HFM1: variants seen among roughly 807,000 people sequenced by gnomAD.
HFM1 encodes probable ATP-dependent DNA helicase HFM1.
In HFM1, 169 loss-of-function variants were observed where a neutral mutation model predicts 192.1. That is an observed-to-expected ratio of 0.88 (90% CI 0.78 to 1.00). The LOEUF (loss-of-function observed/expected upper bound fraction) is 1.00, where lower values mean the gene tolerates loss of function less well. Among genes scored for constraint, HFM1 ranks in the 50% least tolerant of loss-of-function variants. The probability of loss-of-function intolerance (pLI) is 0.00; values close to 1 mark genes in which losing one functional copy is unlikely to be tolerated. For synonymous variants in HFM1, 525 were observed against 537.8 expected (o/e 0.98, Z 0.33); for missense variants, 1,661 against 1,668.0 (o/e 1.00, Z 0.07).
chr1:91,388,993 A>G lies in HFM1; in HGVS notation c.495-3159T>C, dbSNP rs1442914822. Among the ~76,000 whole-genome samples, 3 of 152,146 alleles carry G rather than the reference A, an allele frequency of 2.0e-5. No homozygotes were observed. In the East Asian group the frequency reaches 5.8e-4, roughly 29 times the overall value. ...TATGGACAAAGGATCTGAATAAGAC[A>G]TTACTCCAAAGAAGACATACGAATG... On this transcript the variant is annotated intron_variant, in intron 4 of 38. Coordinates refer to ENST00000370425, the MANE Select transcript of HFM1 (RefSeq NM_001017975.6).
intron 30 of HFM1, among the ~76,000 whole-genome samples, chr1:91,300,676 A>C (rs1648599178): frequency 6.6e-6 from 1 of 152,202 alleles, no homozygotes; most frequent in Non-Finnish European, 1.5e-5. Context: ...AGAATCAACA[A>C]CAAAAACCAC....
chr1:91,388,827 G>A (rs908627003), intron 4 of HFM1, among the ~76,000 whole-genome samples: 28 of 151,956 alleles, frequency 1.8e-4, no homozygotes, highest in Non-Finnish European at 2.9e-4. Context: ...TAAAACTTGC[G>A]CTGCGAAGAA....
intron 30 of HFM1, among the ~76,000 whole-genome samples, chr1:91,292,951 G>A (rs1015155489): frequency 9.2e-5 from 14 of 152,092 alleles, no homozygotes; most frequent in Non-Finnish European, 1.8e-4. Context: ...AGGAAATGGG[G>A]AAAGGATTCC....
At chr1:91,333,770 T>C (rs1199457143) in intron 20 of HFM1, among the ~76,000 whole-genome samples, 1 of 152,120 alleles carries the variant, frequency 6.6e-6, no homozygotes, top group East Asian at 1.9e-4. Context: ...TAAAAATAAT[T>C]TAAAACATTT....
chr1:91,380,914 C>T lies in HFM1; in HGVS notation c.871G>A (p.Asp291Asn). The T allele has an allele frequency of 7.7e-7, 1 of 1,304,014 alleles. No homozygotes were observed. 80.8% of individuals were successfully genotyped at this position (1,304,014 alleles called of 1,614,324 possible). The change falls in exon 7 of 39, where the codon GAT (aspartate) becomes AAT (asparagine). Residue 291 changes from aspartate to asparagine, a missense_variant and splice_region_variant. Asp to Asn is a conservative substitution (Grantham distance 23). Coordinates refer to ENST00000370425, the MANE Select transcript of HFM1 (RefSeq NM_001017975.6). ...FNYIQSKAFD[D>N]LLYTDRNFVI... ...AATAAGTAAAATAAAATACTTACAT[C>T]ATCAAAGGCCTTGGACTGTATATAG...
chr1:91,324,757 C>A lies in HFM1; in HGVS notation c.2345G>T (p.Arg782Ile), dbSNP rs1317327398. 4 of 1,550,350 alleles carry A rather than the reference C, an allele frequency of 2.6e-6. No individual in the cohort carries two copies. The highest frequency in any genetic ancestry group is 2.7e-6 in the Non-Finnish European group (3 of 1,123,118). The part of the protein sequence containing the change: ...GVNFKPTEAG[R>I]LMAWYYITFE... ...TGTAATATAATACCAAGCCATCAAT[C>A]TTCCTGCTTCTGTAAGAAAAGACAG... The change falls in exon 21 of 39, where the codon AGA (arginine) becomes ATA (isoleucine). Residue 782 changes from arginine (R) to isoleucine (I), a missense_variant. Arg to Ile is a moderately conservative substitution (Grantham distance 97, BLOSUM62 -3). Coordinates refer to ENST00000370425, the MANE Select transcript of HFM1 (RefSeq NM_001017975.6).
chr1:91,261,176 T>C lies in HFM1; in HGVS notation c.*114A>G. The stretch of plus-strand genomic sequence containing the variant: ...CAAAAAGTGAACAAAGCTAATCAAA[T>C]ACAGGAGAAAAAAATCCGAACAATT... On this transcript the variant is annotated 3_prime_UTR_variant, in exon 39 of 39. Transcript: ENST00000370425. The C allele has an allele frequency of 4.5e-6, 2 of 442,620 alleles. No individual in the cohort carries two copies. The highest frequency in any genetic ancestry group is 8.0e-6 in the Non-Finnish European group (2 of 249,882). The allele number at this position is 442,620 out of a possible 1,614,324, so 27.4% of individuals were successfully genotyped here.
chr1:91,352,378 A>AAAGGTAAAT, intron 16 of HFM1, 128 bp downstream of exon 16: 1 of 605,270 alleles, frequency 1.7e-6, no homozygotes, highest in East Asian at 3.1e-5. Flanking sequence ...TTCCTCCACT[A>AAAGGTAAAT]AAGGTAAATT....
chr1:91,261,244 G>A lies in HFM1; in HGVS notation c.*46C>T, dbSNP rs748140149. 9 of 770,702 alleles carry A rather than the reference G, an allele frequency of 1.2e-5. No individual in the cohort carries two copies. The highest frequency in any genetic ancestry group is 1.8e-5 in the African/African-American group (1 of 54,796). 47.7% of individuals were successfully genotyped at this position (770,702 alleles called of 1,614,324 possible). ...AATAAAAAGCATGCTTTGTGATTAG[G>A]TGTCTTTATTCTTTCTCTTATCAAT... On this transcript the variant is annotated 3_prime_UTR_variant, in exon 39 of 39. Coordinates refer to ENST00000370425, the MANE Select transcript of HFM1 (RefSeq NM_001017975.6).
At chr1:91,324,014 A>C (rs537715742) in intron 21 of HFM1, among the ~76,000 whole-genome samples, 20 of 152,290 alleles carry the variant, frequency 1.3e-4, no homozygotes, top group African/African-American at 4.8e-4. Context: ...TCTTTTATGA[A>C]TATTGTTTCA....
In HFM1 at chr1:91,315,908, T is replaced by C. The variant is rs755200362; in HGVS notation, c.3047A>G (p.Gln1016Arg). 1.4e-5 allele frequency: 23 copies of C among 1,605,236 alleles called. No homozygotes were observed. The East Asian group carries it at 5.1e-4, about 36-fold the overall frequency. Residue 1016 changes from glutamine (Q) to arginine (R), a missense_variant, in exon 28 of 39, where the codon CAG (glutamine) becomes CGG (arginine). Coordinates refer to ENST00000370425, the MANE Select transcript of HFM1 (RefSeq NM_001017975.6). ...CGATGCTGTTCTTTTAGTTTGTAGC[T>C]GTTCAAAATTTCTTAATATAACAGT... is the stretch of plus-strand genomic sequence containing the variant. ...LVTVILRNFEQLQTKRTASDS... is the reference protein window; with the variant it reads ...LVTVILRNFERLQTKRTASDS...
chr1:91,399,424 C>T (rs937798917), intron 2 of HFM1, among the ~76,000 whole-genome samples: 1 of 152,164 alleles, frequency 6.6e-6, no homozygotes, highest in Non-Finnish European at 1.5e-5. Context: ...AAGTCCTTTA[C>T]ATAATTTCAA....
chr1:91,277,014 C>T lies in HFM1; in HGVS notation c.3440G>A (p.Cys1147Tyr). The change falls in exon 31 of 39, where the codon TGT (cysteine) becomes TAT (tyrosine). Residue 1147 changes from cysteine (C) to tyrosine (Y), a missense_variant. Transcript: ENST00000370425. ...KPGNRECNHLCKSKHTCGHDC... is the reference protein window; with the variant it reads ...KPGNRECNHLYKSKHTCGHDC... ...ATGTCCACATGTATGTTTACTTTTA[C>T]AAAGATGATTGCATTCTCGGTTCCC... 1.3e-6 allele frequency: 2 copies of T among 1,598,796 alleles called. No homozygotes were observed. Among genetic ancestry groups the T allele is most frequent in the Non-Finnish European group, 1.7e-6 (2 of 1,172,924 alleles).
intron 20 of HFM1, among the ~76,000 whole-genome samples, chr1:91,337,592 G>C (rs1447622888): frequency 6.6e-6 from 1 of 152,180 alleles, no homozygotes; most frequent in Non-Finnish European, 1.5e-5. Flanking sequence ...GGGAAGCTCA[G>C]AGTCCCGTCT....
chr1:91,320,480 A>G (rs1206886962), intron 23 of HFM1, among the ~76,000 whole-genome samples: 1 of 152,242 alleles, frequency 6.6e-6, no homozygotes, highest in East Asian at 1.9e-4. Flanking sequence ...TGCTGGGTAA[A>G]TAAAACTCCT....
intron 30 of HFM1, among the ~76,000 whole-genome samples, chr1:91,302,080 C>T (rs1265765251): frequency 2.0e-5 from 3 of 147,098 alleles, no homozygotes; most frequent in Non-Finnish European, 3.0e-5. Flanking sequence ...AACAAATTTA[C>T]AAGAAAATAT....
intron 13 of HFM1, among the ~76,000 whole-genome samples, chr1:91,358,113 G>A (rs767992562): frequency 2.6e-5 from 4 of 152,104 alleles, no homozygotes; most frequent in Non-Finnish European, 5.9e-5. Flanking sequence ...ACTTTGGGAT[G>A]CCGAGATGGG....
At chr1:91,279,131 TATA>T (rs1008165809) in intron 30 of HFM1, among the ~76,000 whole-genome samples, 6 of 151,998 alleles carry the variant, frequency 3.9e-5, no homozygotes, top group Non-Finnish European at 5.9e-5. Flanking sequence ...GCTGAAATCC[TATA>T]ATAAGATTCT....
intron 6 of HFM1, among the ~76,000 whole-genome samples, chr1:91,384,836 C>A (rs1412571986): frequency 6.6e-6 from 1 of 151,752 alleles, no homozygotes; most frequent in Non-Finnish European, 1.5e-5. Context: ...CTCTGCCTCC[C>A]AGGTTCAAGC....
Sources: allele counts gnomAD v4.1 joint callset (sites outside exome capture counted in the v4.1 genomes callset), GRCh38; gene constraint gnomAD v4.1.1; transcripts MANE v1.5; gene names NCBI Gene and HGNC (gene_info 2026-07-23, HGNC 2026-07-21).